Variants in TNRC18 observed in about 807,000 individuals in gnomAD.
The protein encoded by TNRC18 is trinucleotide repeat-containing gene 18 protein.
In TNRC18, 69 loss-of-function variants were observed where a neutral mutation model predicts 226.7. That is an observed-to-expected ratio of 0.30 (90% CI 0.25 to 0.37). The LOEUF is 0.37. Among genes scored for constraint, TNRC18 ranks in the 10% least tolerant of loss-of-function variants. The probability of loss-of-function intolerance (pLI) is 1.00; values close to 1 mark genes in which losing one functional copy is unlikely to be tolerated. For synonymous variants in TNRC18, 2,449 were observed against 1,927.6 expected, an observed-to-expected ratio of 1.27 and a Z score of -7.09; for missense variants, 4,754 against 4,256.6, an observed-to-expected ratio of 1.12 and a Z score of -3.25.
intron 18 of TNRC18, 45 bp downstream of exon 18, chr7:5,345,517 G>GCCCACCCCCCCCCCCCCC: frequency 2.6e-6 from 1 of 377,744 alleles, no homozygotes; most frequent in Non-Finnish European, 4.8e-6. Context: ...AATGGCGTCC[G>GCCCACCCCCCCCCCCCCC]CCCCTCCCAC....
intron 2 of TNRC18, among the ~76,000 whole-genome samples, chr7:5,401,219 G>C (rs1219947314): frequency 3.8e-5 from 5 of 132,946 alleles, no homozygotes; most frequent in Non-Finnish European, 6.2e-5. Context: ...GTCCTCCCTG[G>C]TTCGAGTCGG....
rs1013456947 is a variant in TNRC18, at chr7:5,389,164, GA to G, written c.659del (p.Phe220SerfsTer22). On this transcript the variant is annotated frameshift_variant, in exon 5 of 30. Coordinates refer to ENST00000430969, the MANE Select transcript of TNRC18 (RefSeq NM_001080495.3). LOFTEE classifies it high-confidence loss of function. ...CCCGGGCGCGCGGGTCCTTCTTGCC[GA>G]AAAGCGGAGGCGGCTCCCCGCCGCG... is the stretch of plus-strand genomic sequence containing the variant. ...AGRGGEPPPLFGKKDPRARGE... is the reference protein window; with the variant it reads ...AGRGGEPPPLXGKKDPRARGE... The G allele has an allele frequency of 3.0e-6, 4 of 1,324,088 alleles. No individual in the cohort carries two copies. The highest frequency in any genetic ancestry group is 9.6e-7 in the Non-Finnish European group (1 of 1,037,838). 82.0% of individuals were successfully genotyped at this position (1,324,088 alleles called of 1,614,324 possible).
rs1444218526 is a variant in TNRC18 at position 5,332,814 on chromosome 7, C to T, written c.5955G>A (p.Gly1985=). The T allele has an allele frequency of 1.5e-5, 23 of 1,509,182 alleles. No homozygotes were observed. The highest frequency in any genetic ancestry group is 1.9e-5 in the Non-Finnish European group (22 of 1,137,384). 93.5% of individuals were successfully genotyped at this position (1,509,182 alleles called of 1,614,324 possible). ...ACAGGTCGTCGTCGCTGGCCTCGGGCCCCGCCTCGAAGCCAGGCTCCTTGG... is the reference window on the plus strand; with the variant it reads ...ACAGGTCGTCGTCGCTGGCCTCGGGTCCCGCCTCGAAGCCAGGCTCCTTGG... ...RGPKEPGFEA[G]PEASDDDLWT... is the part of the protein sequence containing the mutation. Residue 1985 remains glycine (G), a synonymous_variant, in exon 19 of 30, where the codon GGG becomes GGA. Coordinates refer to ENST00000430969, the MANE Select transcript of TNRC18 (RefSeq NM_001080495.3).
In TNRC18 at chr7:5,307,752, C is replaced by T. The variant is rs1786694115; in HGVS notation, c.*354G>A. On this transcript the variant is annotated 3_prime_UTR_variant, in exon 30 of 30. Transcript: ENST00000430969. ...CCACCGAATCCCCAGTCTGCATGGA[C>T]CTGGGGGCACCCGGGCCCCCACGCA... The T allele has an allele frequency of 1.1e-5, 4 of 373,580 alleles. No homozygotes were observed. Among genetic ancestry groups the T allele is most frequent in the South Asian group, 6.7e-5 (3 of 45,048 alleles). The allele number at this position is 373,580 out of a possible 1,614,324, so 23.1% of individuals were successfully genotyped here.
At chr7:5,381,929 G>T (rs879785938) in intron 5 of TNRC18, among the ~76,000 whole-genome samples, 46 of 152,126 alleles carry the variant, frequency 3.0e-4, no homozygotes, top group Non-Finnish European at 6.6e-4. Flanking sequence ...TCACAGCACT[G>T]CACTCCAGCC....
intron 24 of TNRC18, among the ~76,000 whole-genome samples, chr7:5,317,371 C>G (rs749965452): frequency 2.0e-5 from 3 of 152,134 alleles, no homozygotes; most frequent in Non-Finnish European, 4.4e-5. Context: ...AAGCAGATCA[C>G]CTGAGGTCAC....
Position 5,377,106 on chromosome 7 carries a change from G to T in TNRC18, c.2462-113C>A. 1 of 1,437,280 alleles carries T rather than the reference G, an allele frequency of 7.0e-7. No individual in the cohort carries two copies. The highest frequency in any genetic ancestry group is 9.3e-7 in the Non-Finnish European group (1 of 1,072,742). 89.0% of individuals were successfully genotyped at this position (1,437,280 alleles called of 1,614,324 possible). A position where few individuals can be genotyped will look rare whatever the true frequency, so the allele number is the denominator to read the frequency against. On this transcript the variant is annotated intron_variant, in intron 7 of 29. Coordinates refer to ENST00000430969, the MANE Select transcript of TNRC18 (RefSeq NM_001080495.3). The surrounding 1 kb of genome is among the most constrained non-coding windows in gnomAD (Gnocchi z 5.8). ...AGTCCTGAACCTCCTGGGGCCTCCAGTGGGGAAGCCAAGGGACAGGGGTGC... is the reference window on the plus strand; with the variant it reads ...AGTCCTGAACCTCCTGGGGCCTCCATTGGGGAAGCCAAGGGACAGGGGTGC...
At chr7:5,396,741 A>C (rs557452337) in intron 2 of TNRC18, among the ~76,000 whole-genome samples, 1 of 152,118 alleles carries the variant, frequency 6.6e-6, no homozygotes, top group South Asian at 2.1e-4. Context: ...CTGTGTTGTG[A>C]GCACTGTTTA....
chr7:5,334,165 C>G (rs151146256), intron 18 of TNRC18, among the ~76,000 whole-genome samples: 13 of 152,374 alleles, frequency 8.5e-5, no homozygotes, highest in African/African-American at 3.1e-4. Flanking sequence ...CCCAGGCCTA[C>G]TGACCCCGGG....
rs577979063 is a variant in TNRC18, at chr7:5,335,089, G to C, written c.5720-2040C>G. 3.3e-5 allele frequency among the ~76,000 whole-genome samples: 5 copies of C among 151,036 alleles called. No homozygotes were observed. In the East Asian group the frequency reaches 5.9e-4, roughly 18 times the overall value. ...GGTCAAGGCGGGCGGATCACCTGAGGTCAGGAGTTCAAGACCATCCTGGCT... is the reference window on the plus strand; with the variant it reads ...GGTCAAGGCGGGCGGATCACCTGAGCTCAGGAGTTCAAGACCATCCTGGCT... On this transcript the variant is annotated intron_variant, in intron 18 of 29. Coordinates refer to ENST00000430969, the MANE Select transcript of TNRC18 (RefSeq NM_001080495.3).
In TNRC18 at chr7:5,359,566, C is replaced by T; in HGVS notation, c.4665G>A (p.Leu1555=). ...CTGATGTCAGCAGAGACTTGCTGCT[C>T]AGCCTGAAACGCAGACACACTGCCG... is the stretch of plus-strand genomic sequence containing the variant. The part of the protein sequence containing the change: ...RGKSGHSSGK[L]SSKSLLTSDD... Residue 1555 remains leucine (L), a synonymous_variant, in exon 15 of 30, where the codon CTG becomes CTA. Transcript: ENST00000430969. 1.2e-6 allele frequency: 2 copies of T among 1,613,750 alleles called. No homozygotes were observed. Among genetic ancestry groups the T allele is most frequent in the Non-Finnish European group, 1.7e-6 (2 of 1,179,884 alleles).
chr7:5,342,472 C>T (rs1004462416), intron 18 of TNRC18, among the ~76,000 whole-genome samples: 3 of 151,674 alleles, frequency 2.0e-5, no homozygotes, highest in East Asian at 1.9e-4. Flanking sequence ...CCAACCCTCG[C>T]GGACAACTAT....
intron 17 of TNRC18, among the ~76,000 whole-genome samples, chr7:5,346,691 T>G (rs1236165189): frequency 1.3e-5 from 2 of 151,940 alleles, no homozygotes; most frequent in Admixed American, 1.3e-4. Context: ...TCCTAGCAAC[T>G]CCCCCATTCT....
At chr7:5,345,913 C>T (rs1283037739) in intron 17 of TNRC18, 103 bp from the exon 18 acceptor site, 5 of 1,443,494 alleles carry the variant, frequency 3.5e-6, no homozygotes, top group Non-Finnish European at 4.6e-6. Context: ...CAGCCTAGTC[C>T]CTCAGTCCTG....
At chr7:5,356,819 A>T (rs1277758770) in intron 16 of TNRC18, 97 bp downstream of exon 16, 129 of 1,360,150 alleles carry the variant, frequency 9.5e-5, no homozygotes, top group Middle Eastern at 5.2e-4. Context: ...AGCGAGAGAG[A>T]GAGTGAGGGG....
intron 17 of TNRC18, among the ~76,000 whole-genome samples, chr7:5,350,308 G>A (rs367562500): frequency 6.6e-5 from 10 of 152,014 alleles, no homozygotes; most frequent in Non-Finnish European, 1.2e-4. Flanking sequence ...CATGGGCCCC[G>A]GGGCATCGTA....
intron 2 of TNRC18, among the ~76,000 whole-genome samples, chr7:5,404,900 G>A (rs1781362536): frequency 6.6e-6 from 1 of 151,910 alleles, no homozygotes; most frequent in Non-Finnish European, 1.5e-5. Flanking sequence ...GATTGCCTGA[G>A]CTCAGGAGTT....
rs1790809626 is a variant in TNRC18 at position 5,342,743 on chromosome 7, C to T, written c.5719+2819G>A. 2.6e-5 allele frequency among the ~76,000 whole-genome samples: 4 copies of T among 152,210 alleles called. No individual in the cohort carries two copies. In the South Asian group the frequency reaches 8.3e-4, roughly 32 times the overall value. On this transcript the variant is annotated intron_variant, in intron 18 of 29. Transcript: ENST00000430969. Reference sequence around the variant, plus strand: ...TGCACAAGCTTAGCCGATAAAGCAGCAGCAGGGTTTGAGAGGACTGCTTCC... The same window carrying T: ...TGCACAAGCTTAGCCGATAAAGCAGTAGCAGGGTTTGAGAGGACTGCTTCC...
chr7:5,343,039 T>C (rs967910247), intron 18 of TNRC18, among the ~76,000 whole-genome samples: 3 of 152,172 alleles, frequency 2.0e-5, no homozygotes, highest in Non-Finnish European at 4.4e-5. Context: ...TTTTAAGATA[T>C]GTACAATGTT....
Sources: allele counts gnomAD v4.1 joint callset (sites outside exome capture counted in the v4.1 genomes callset), GRCh38; gene constraint gnomAD v4.1.1; non-coding constraint Gnocchi (gnomAD v3.1); transcripts MANE v1.5; gene names NCBI Gene and HGNC (gene_info 2026-07-23, HGNC 2026-07-21).